DNAH2: variants seen among roughly 807,000 people sequenced by gnomAD.
DNAH2 encodes dynein axonemal heavy chain 2, also known as axonemal beta dynein heavy chain 2.
In DNAH2, 323 loss-of-function variants were observed where a neutral mutation model predicts 523.5. The ratio of observed to expected loss-of-function variants is 0.62; its 90% CI spans 0.56 to 0.68. The LOEUF is 0.68. Among genes scored for constraint, DNAH2 ranks in the 30% least tolerant of loss-of-function variants. The pLI, the probability that DNAH2 is intolerant of heterozygous loss-of-function variation, is 0.00. For synonymous variants in DNAH2, 2,093 were observed against 2,177.4 expected (o/e 0.96, Z 1.08); for missense variants, 4,907 against 5,701.5 (o/e 0.86, Z 4.49).
Position 7,786,687 on chromosome 17 carries a change from G to A in DNAH2, c.6466G>A (p.Asp2156Asn), listed in dbSNP as rs779829892. ...CAGTGTCATGCGGACGGCATGTGCA[G>A]GTATCCAGAGGATCGTGGGGTGTGG... ...LSSVMRTACA[D>N]EKPDEKWILF... The change falls in exon 41 of 86, where the codon GAT (aspartate) becomes AAT (asparagine). Residue 2156 changes from aspartate to asparagine, a missense_variant and splice_region_variant. Around this residue, in one of 3 missense-constraint regions of DNAH2, gnomAD observed 2,806 missense variants for 3,190.8 expected, o/e 0.88. Transcript: ENST00000572933. This position sits in a 1 kb window ranked among gnomAD's most constrained non-coding sequence, Gnocchi z 7.5. 8 of 1,613,790 alleles carry A rather than the reference G, an allele frequency of 5.0e-6. No individual in the cohort carries two copies. The highest frequency in any genetic ancestry group is 5.9e-6 in the Non-Finnish European group (7 of 1,179,932).
intron 12 of DNAH2, among the ~76,000 whole-genome samples, chr17:7,752,831 A>C (rs1475148965): frequency 6.6e-6 from 1 of 152,252 alleles, no homozygotes; most frequent in Non-Finnish European, 1.5e-5. Context: ...AGCCTCTCCC[A>C]CATGCCCACT....
intron 48 of DNAH2, among the ~76,000 whole-genome samples, chr17:7,793,466 T>C (rs1385324606): frequency 1.6e-5 from 2 of 126,496 alleles, no homozygotes; most frequent in African/African-American, 2.7e-5. Context: ...TTTCTTTCTT[T>C]CTTTCTTTCT....
Position 7,798,604 on chromosome 17 carries a change from G to A in DNAH2, c.8445G>A (p.Thr2815=), listed in dbSNP as rs146210717. 3,611 of 1,614,114 alleles carry A rather than the reference G, an allele frequency of 2.2e-3. 12 individuals carry two copies. The highest frequency in any genetic ancestry group is 2.2e-3 in the Non-Finnish European group (2,547 of 1,180,020). ...YRQAGVELKT[T]SFIFVDTQIA... Reference sequence around the variant, plus strand: ...AGGCTGGGGTGGAGCTCAAGACCACGTCCTTCATTTTTGTGGACACCCAAA... The same window carrying A: ...AGGCTGGGGTGGAGCTCAAGACCACATCCTTCATTTTTGTGGACACCCAAA... The change falls in exon 55 of 86, where the codon ACG becomes ACA. Residue 2815 remains threonine (T), a synonymous_variant. Coordinates refer to ENST00000572933, the MANE Select transcript of DNAH2 (RefSeq NM_020877.5). The surrounding 1 kb of genome is among the most constrained non-coding windows in gnomAD (Gnocchi z 5.5).
Position 7,770,285 on chromosome 17 carries a change from G to A in DNAH2, c.3975G>A (p.Arg1325=), listed in dbSNP as rs200893720. The change falls in exon 25 of 86, where the codon CGG becomes CGA. Residue 1325 remains arginine, a synonymous_variant. Transcript: ENST00000572933. ...ACCAGGTCCGGGATGAGATCCAGCG[G>A]GAGTTTGATCAGGAATCTGAAAGCT... The part of the protein sequence containing the change: ...HWDQVRDEIQ[R]EFDQESESFT... 5.0e-6 allele frequency: 8 copies of A among 1,613,286 alleles called. No homozygotes were observed. In the East Asian group the frequency reaches 1.8e-4, roughly 36 times the overall value.
chr17:7,725,676 C>T (rs915419702), intron 3 of DNAH2, among the ~76,000 whole-genome samples: 9 of 142,714 alleles, frequency 6.3e-5, no homozygotes, highest in East Asian at 2.2e-4. Context: ...CCCTGTGATT[C>T]GCCCCCACCC....
intron 52 of DNAH2, 53 bp downstream of exon 52, chr17:7,797,583 C>A: frequency 6.2e-7 from 1 of 1,613,962 alleles, no homozygotes; most frequent in Non-Finnish European, 8.5e-7. Flanking sequence ...AACATCGGGG[C>A]TAGAAGGAGT....
Position 7,831,250 on chromosome 17 carries a change from C to A in DNAH2, c.12395C>A (p.Thr4132Asn). The A allele has an allele frequency of 6.2e-7, 1 of 1,614,136 alleles. No individual in the cohort carries two copies. The highest frequency in any genetic ancestry group is 8.5e-7 in the Non-Finnish European group (1 of 1,180,032). The change falls in exon 80 of 86, where the codon ACT (threonine) becomes AAT (asparagine). Residue 4132 changes from threonine (T) to asparagine (N), a missense_variant. Around this residue, in one of 3 missense-constraint regions of DNAH2, gnomAD observed 1,851 missense variants for 2,139.4 expected, o/e 0.87. Transcript: ENST00000572933. The surrounding 1 kb of genome is among the most constrained non-coding windows in gnomAD (Gnocchi z 4.2). ...ACTGAGGCACAAACCCTCTTTGATACTTTGCTTTCCTTGCAACCTCAGATT... is the reference window on the plus strand; with the variant it reads ...ACTGAGGCACAAACCCTCTTTGATAATTTGCTTTCCTTGCAACCTCAGATT... The part of the protein sequence containing the change: ...QITEAQTLFD[T>N]LLSLQPQITP...
rs201091637 is a variant in DNAH2, at chr17:7,792,633, G to A, written c.7146-24G>A. The A allele has an allele frequency of 1.6e-4, 253 of 1,604,036 alleles. 1 individual carries two copies. The East Asian group carries it at 4.6e-3, about 29-fold the overall frequency. On this transcript the variant is annotated intron_variant, in intron 46 of 85. Coordinates refer to ENST00000572933, the MANE Select transcript of DNAH2 (RefSeq NM_020877.5). ...AAAGGAGTGGGCGGCTGGTCCTTGA[G>A]AGCCGGCCCCTGCTCTTCCCTAGCG...
intron 4 of DNAH2, among the ~76,000 whole-genome samples, chr17:7,732,029 CAAAAA>C (rs35844931): frequency 1.7e-5 from 2 of 118,206 alleles, no homozygotes; most frequent in Admixed American, 8.7e-5. Context: ...AACTTCGTCT[CAAAAA>C]AAAAAAAAAA....
intron 4 of DNAH2, 71 bp downstream of exon 4, chr17:7,727,363 C>A: frequency 6.5e-7 from 1 of 1,545,602 alleles, no homozygotes; most frequent in Non-Finnish European, 8.7e-7. Flanking sequence ...CCTTCATCAT[C>A]CTTAAGTCTT....
intron 44 of DNAH2, among the ~76,000 whole-genome samples, chr17:7,790,138 T>A (rs2076857150): frequency 6.6e-6 from 1 of 152,186 alleles, no homozygotes; most frequent in African/African-American, 2.4e-5. Flanking sequence ...ATGCGCCCAG[T>A]CAGAAGAAAG....
chr17:7,795,080 G>A (rs976007080), intron 49 of DNAH2, among the ~76,000 whole-genome samples: 2 of 152,010 alleles, frequency 1.3e-5, no homozygotes, highest in African/African-American at 4.8e-5. Context: ...GGAGTGGGAA[G>A]GAGAACTGGA....
At chr17:7,759,724 G>C in intron 16 of DNAH2, 67 bp from the exon 17 acceptor site, 2 of 1,607,144 alleles carry the variant, frequency 1.2e-6, no homozygotes, top group Non-Finnish European at 1.7e-6. Context: ...CTTCAGACCT[G>C]CTGCTGAAGT....
chr17:7,801,688 T>A lies in DNAH2; in HGVS notation c.8810T>A (p.Val2937Glu). The change falls in exon 57 of 86, where the codon GTA becomes GAA. Residue 2937 changes from valine (V) to glutamate (E), a missense_variant. Physicochemically the swap from Val to Glu is moderately radical, Grantham distance 121. This residue lies in a region of DNAH2 where 1,851 missense variants were observed against 2,139.4 expected (regional missense o/e 0.87). Coordinates refer to ENST00000572933, the MANE Select transcript of DNAH2 (RefSeq NM_020877.5). Reference sequence around the variant, plus strand: ...GTGGCTGAGAAGTGCCTCATAGGAGTAGACCTGGGAACTCAGGAGAATGTG... The same window carrying A: ...GTGGCTGAGAAGTGCCTCATAGGAGAAGACCTGGGAACTCAGGAGAATGTG... ...LEVAEKCLIG[V>E]DLGTQENIHR... 1 of 1,613,730 alleles carries A rather than the reference T, an allele frequency of 6.2e-7. No individual in the cohort carries two copies. The highest frequency in any genetic ancestry group is 8.5e-7 in the Non-Finnish European group (1 of 1,179,932).
At chr17:7,814,116 C>T (rs1035187580) in intron 63 of DNAH2, among the ~76,000 whole-genome samples, 2 of 147,742 alleles carry the variant, frequency 1.4e-5, no homozygotes, top group Non-Finnish European at 3.0e-5. Flanking sequence ...GGCAGGAAGA[C>T]TTCCCCTTAA....
intron 18 of DNAH2, among the ~76,000 whole-genome samples, chr17:7,762,268 G>A (rs150382716): frequency 1.3e-5 from 2 of 151,908 alleles, no homozygotes; most frequent in Non-Finnish European, 2.9e-5. Flanking sequence ...TGGAAGGACA[G>A]AGGATTTCCA....
At position 7,780,418 on chromosome 17, in the gene DNAH2, G is replaced by A; in HGVS notation, c.5850+134G>A. ...TTAGACTATTGTCAGTAGGATGTGT[G>A]GGGAGAAAAATTTAGGGGAGGGAGG... On this transcript the variant is annotated intron_variant, in intron 37 of 85. Coordinates refer to ENST00000572933, the MANE Select transcript of DNAH2 (RefSeq NM_020877.5). The surrounding 1 kb of genome is among the most constrained non-coding windows in gnomAD (Gnocchi z 4.4). The A allele has an allele frequency of 6.8e-7, 1 of 1,476,382 alleles. No individual in the cohort carries two copies. Among genetic ancestry groups the A allele is most frequent in the Non-Finnish European group, 9.3e-7 (1 of 1,078,690 alleles). The allele number at this position is 1,476,382 out of a possible 1,614,324, so 91.5% of individuals were successfully genotyped here.
chr17:7,775,465 C>T (rs934848786), intron 30 of DNAH2, 123 bp downstream of exon 30: 1 of 869,656 alleles, frequency 1.1e-6, no homozygotes, highest in African/African-American at 1.7e-5. Context: ...GTGGGCAGAT[C>T]ACCTGAGGTC....
rs1244913466 is a variant in DNAH2, at chr17:7,734,165, A to G, written c.629-18A>G. ...ACTCATCCCCTCTGTCCACTTCCAC[A>G]AACTTTCCTTTCCTTAGACACTCGG... On this transcript the variant is annotated intron_variant, in intron 5 of 85. Transcript: ENST00000572933. The G allele has an allele frequency of 6.4e-7, 1 of 1,569,096 alleles. No individual in the cohort carries two copies. The highest frequency in any genetic ancestry group is 1.4e-5 in the African/African-American group (1 of 73,964).
Sources: gnomAD v4.1 joint callset for allele counts (sites outside exome capture counted in the v4.1 genomes callset) on GRCh38, gnomAD v4.1.1 for gene constraint, gnomAD v4.1.1 regional missense constraint, Gnocchi (gnomAD v3.1) non-coding constraint, MANE v1.5 for transcripts, NCBI Gene and HGNC (gene_info 2026-07-23, HGNC 2026-07-21) for gene names.